Variants in PITRM1 observed in about 807,000 individuals in gnomAD.
The protein encoded by PITRM1 is presequence protease, mitochondrial.
A neutral mutation model predicts 129.9 loss-of-function variants in PITRM1; 100 were observed. The ratio of observed to expected loss-of-function variants is 0.77; its 90% CI spans 0.65 to 0.91. PITRM1 has a LOEUF of 0.91. Among genes scored for constraint, PITRM1 ranks in the 40% least tolerant of loss-of-function variants. The pLI, the probability that PITRM1 is intolerant of heterozygous loss-of-function variation, is 0.00. For missense variants in PITRM1, 1,471 were observed against 1,318.3 expected (o/e 1.12, Z -1.79); for synonymous variants, 591 against 508.8 (o/e 1.16, Z -2.17).
rs572647010 is a variant in PITRM1, at chr10:3,137,785, C to T, written c.*246G>A. On this transcript the variant is annotated 3_prime_UTR_variant, in exon 27 of 27. Transcript: ENST00000224949. ...TTAAATATTCTAGAATGAGGTAAAA[C>T]GAGCCTGCCAGTACAAAGTGAAAAT... 3.7e-5 allele frequency: 19 copies of T among 514,106 alleles called. No homozygotes were observed. The highest frequency in any genetic ancestry group is 8.4e-5 in the South Asian group (4 of 47,734). 31.8% of individuals were successfully genotyped at this position (514,106 alleles called of 1,614,324 possible). A position where few individuals can be genotyped will look rare whatever the true frequency, so the allele number is the denominator to read the frequency against.
chr10:3,166,621 T>C (rs1435431097), intron 3 of PITRM1, among the ~76,000 whole-genome samples: 1 of 152,216 alleles, frequency 6.6e-6, no homozygotes, highest in East Asian at 1.9e-4. Flanking sequence ...ATAAAAATAC[T>C]AGTGAGATGA....
chr10:3,170,301 GATT>G lies in PITRM1; in HGVS notation c.57-98_57-96del, dbSNP rs1363820135. On this transcript the variant is annotated intron_variant, in intron 1 of 26. Transcript: ENST00000224949. ...AGTGAAAATACTCTCATGTAATAAA[GATT>G]ATTAAAGAAAAATTAAATATTGCAT... 28 of 818,726 alleles carry G rather than the reference GATT, an allele frequency of 3.4e-5. No individual in the cohort carries two copies. The South Asian group carries it at 5.0e-4, about 15-fold the overall frequency. The allele number at this position is 818,726 out of a possible 1,614,324, so 50.7% of individuals were successfully genotyped here.
chr10:3,162,715 C>T (rs541496369), intron 7 of PITRM1, among the ~76,000 whole-genome samples: 1 of 152,322 alleles, frequency 6.6e-6, no homozygotes, highest in South Asian at 2.1e-4. Flanking sequence ...TCAGGAAACA[C>T]AGGAACATGG....
At chr10:3,141,224 C>G (rs992511810) in intron 23 of PITRM1, among the ~76,000 whole-genome samples, 13 of 152,180 alleles carry the variant, frequency 8.5e-5, no homozygotes, top group African/African-American at 3.1e-4. Flanking sequence ...ATGAGATTTT[C>G]TTTTCAATTA....
rs112405849 is a variant in PITRM1 at position 3,139,197 on chromosome 10, C to T, written c.2772-148G>A. On this transcript the variant is annotated intron_variant, in intron 24 of 26. Coordinates refer to ENST00000224949, the MANE Select transcript of PITRM1 (RefSeq NM_014889.4). ...TAGTCCAAACAGCCCACTGACAAAT[C>T]GCTCAATTACTCTCAATGGAAATTT... 1,439 of 696,844 alleles carry T rather than the reference C, an allele frequency of 2.1e-3. 15 individuals are homozygous for T. The African/African-American group carries it at 0.023, about 11-fold the overall frequency. The allele number at this position is 696,844 out of a possible 1,614,324, so 43.2% of individuals were successfully genotyped here. A position where few individuals can be genotyped will look rare whatever the true frequency, so the allele number is the denominator to read the frequency against.
intron 21 of PITRM1, chr10:3,145,325 A>G (rs1397930504): frequency 1.7e-5 from 7 of 410,462 alleles, no homozygotes; most frequent in African/African-American, 1.0e-4. Context: ...TATTCCAGCC[A>G]AAGTCTGTTT....
At chr10:3,167,558 G>A (rs10903978) in intron 2 of PITRM1, among the ~76,000 whole-genome samples, 29,037 of 152,066 alleles carry the variant, frequency 0.19, 3,390 homozygotes, top group Non-Finnish European at 0.27. Flanking sequence ...GTAACAGAGC[G>A]CCCTTTCCAA....
At chr10:3,139,239 G>C (rs150303460) in intron 24 of PITRM1, among the ~76,000 whole-genome samples, 190 bp from the exon 25 acceptor site, 1 of 152,188 alleles carries the variant, frequency 6.6e-6, no homozygotes, top group African/African-American at 2.4e-5. Flanking sequence ...GATCACATAA[G>C]CCTTTCAACA....
chr10:3,138,082 G>A lies in PITRM1; in HGVS notation c.3063C>T (p.Leu1021=), dbSNP rs144433899. Residue 1021 remains leucine, a synonymous_variant, in exon 27 of 27, where the codon CTC becomes CTT. Transcript: ENST00000224949. ...TGGCAATTTTCGGGTTCTCGGGTCC[G>A]AGGATGGCCAGGCCGTGTGTGCTCT... ...TGKSTHGLAI[L]GPENPKIAKD... is the part of the protein sequence containing the mutation. 71 of 1,610,700 alleles carry A rather than the reference G, an allele frequency of 4.4e-5. No individual in the cohort carries two copies. Among genetic ancestry groups the A allele is most frequent in the Admixed American group, 1.8e-4 (11 of 59,652 alleles).
chr10:3,153,625 A>G (rs1290156628), intron 14 of PITRM1, among the ~76,000 whole-genome samples: 1 of 152,084 alleles, frequency 6.6e-6, no homozygotes, highest in Non-Finnish European at 1.5e-5. Context: ...TCTCAAAAAA[A>G]AAACCAAAAA....
intron 24 of PITRM1, 68 bp from the exon 25 acceptor site, chr10:3,139,117 C>T (rs866724532): frequency 1.5e-5 from 21 of 1,389,574 alleles, no homozygotes; most frequent in African/African-American, 1.1e-4. Context: ...AAACCTCTGT[C>T]GACTTAACAG....
chr10:3,151,425 G>GTC, intron 14 of PITRM1, 62 bp from the exon 15 acceptor site: 1 of 953,472 alleles, frequency 1.0e-6, no homozygotes, highest in Non-Finnish European at 1.7e-6. Flanking sequence ...GATGCAACTT[G>GTC]TCTCCTATGT....
intron 14 of PITRM1, among the ~76,000 whole-genome samples, chr10:3,153,463 C>CA (rs1295252169): frequency 1.3e-5 from 2 of 151,862 alleles, no homozygotes; most frequent in Admixed American, 6.6e-5. Flanking sequence ...ACTAAAAATA[C>CA]AAAAAATCAG....
intron 16 of PITRM1, 85 bp downstream of exon 16, chr10:3,149,536 G>A (rs1841282348): frequency 3.0e-6 from 4 of 1,318,748 alleles, no homozygotes; most frequent in Middle Eastern, 2.2e-4. Context: ...TTCACTGAAG[G>A]TAATTCCTAC....
intron 17 of PITRM1, 32 bp from the exon 18 acceptor site, chr10:3,148,095 T>C (rs1245332950): frequency 1.2e-6 from 2 of 1,613,434 alleles, no homozygotes; most frequent in Non-Finnish European, 1.7e-6. Context: ...AGAAAGGAAT[T>C]AGGGCCGAAT....
At chr10:3,140,924 A>G in intron 23 of PITRM1, 112 bp from the exon 24 acceptor site, 3 of 973,526 alleles carry the variant, frequency 3.1e-6, no homozygotes, top group South Asian at 3.1e-5. Context: ...ATAATGCTGC[A>G]TAAATTATGG....
intron 12 of PITRM1, 117 bp downstream of exon 12, chr10:3,157,318 C>A (rs1031977733): frequency 4.5e-6 from 3 of 670,586 alleles, no homozygotes; most frequent in South Asian, 2.0e-5. Flanking sequence ...TAGTTATAAA[C>A]CCTTACCCAT....
intron 23 of PITRM1, chr10:3,141,917 C>T (rs1292028813): frequency 4.8e-6 from 1 of 209,478 alleles, no homozygotes; most frequent in Non-Finnish European, 1.0e-5. Flanking sequence ...TGGAGTCAGA[C>T]CCTGGGGGAC....
rs1564376713 is a variant in PITRM1, at chr10:3,138,217, C to CCCCCGCT, written c.3020+11_3020+17dup. The CCCCCGCT allele has an allele frequency of 1.2e-6, 2 of 1,602,324 alleles. No homozygotes were observed. Among genetic ancestry groups the CCCCCGCT allele is most frequent in the Admixed American group, 1.7e-5 (1 of 59,984 alleles). On this transcript the variant is annotated intron_variant, in intron 26 of 26. Coordinates refer to ENST00000224949, the MANE Select transcript of PITRM1 (RefSeq NM_014889.4). ...GGGCTTCCAGTCCCAGACGCTGTCT[C>CCCCCGCT]CCCCGCTCCCCACTCACCTATCGCT...
Sources: gnomAD v4.1 joint callset for allele counts (sites outside exome capture counted in the v4.1 genomes callset) on GRCh38, gnomAD v4.1.1 for gene constraint, MANE v1.5 for transcripts, NCBI Gene and HGNC (gene_info 2026-07-23, HGNC 2026-07-21) for gene names.